CXADR: variants seen among roughly 807,000 people sequenced by gnomAD.
The protein encoded by CXADR is coxsackievirus and adenovirus receptor.
CXADR carries 20 observed loss-of-function variants against 40.3 expected under a neutral mutation model. The observed-to-expected ratio is 0.50, with a 90% CI of 0.35 to 0.72. The LOEUF (loss-of-function observed/expected upper bound fraction) is 0.72. Among genes scored for constraint, CXADR ranks in the 30% least tolerant of loss-of-function variants. CXADR has a pLI of 0.01. For synonymous variants in CXADR, 150 were observed against 161.3 expected, an observed-to-expected ratio of 0.93 and a Z score of 0.53; for missense variants, 332 against 449.1, an observed-to-expected ratio of 0.74 and a Z score of 2.36.
intron 7 of CXADR, among the ~76,000 whole-genome samples, chr21:17,578,992 G>T (rs1020614196): frequency 3.9e-5 from 6 of 152,034 alleles, no homozygotes; most frequent in African/African-American, 1.4e-4. Context: ...AGAGACATCT[G>T]ATTCATAAGA....
the CXADR span, among the ~76,000 whole-genome samples, chr21:17,622,282 C>T: frequency 1.3e-5 from 2 of 152,116 alleles, no homozygotes; most frequent in Admixed American, 1.3e-4. Flanking sequence ...TCCCACCCCA[C>T]CCCAGCCCAG....
At chr21:17,572,111 C>T (rs376988673), downstream of CXADR, among the ~76,000 whole-genome samples, 15 of 151,958 alleles carry the variant, frequency 9.9e-5, no homozygotes, top group East Asian at 1.5e-3. Context: ...CCTGTAATCC[C>T]AGCACTTTGG....
intron 1 of CXADR, among the ~76,000 whole-genome samples, chr21:17,539,964 A>G (rs1569100535): frequency 6.6e-6 from 1 of 152,162 alleles, no homozygotes; most frequent in Non-Finnish European, 1.5e-5. Flanking sequence ...TAGACAAAAT[A>G]CCAATACAAA....
At chr21:17,585,813 C>T (rs1419548766) in intron 7 of CXADR, among the ~76,000 whole-genome samples, 3 of 152,112 alleles carry the variant, frequency 2.0e-5, no homozygotes, top group Admixed American at 6.6e-5. Flanking sequence ...CCACCGCGCC[C>T]GGTTTTAATT....
intron 7 of CXADR, among the ~76,000 whole-genome samples, chr21:17,588,513 A>C (rs2061413297): frequency 6.6e-6 from 1 of 152,236 alleles, no homozygotes; most frequent in African/African-American, 2.4e-5. Flanking sequence ...ATGGGAGTTC[A>C]CTCATGATTT....
the CXADR span, among the ~76,000 whole-genome samples, chr21:17,625,335 A>C: frequency 6.6e-6 from 1 of 152,144 alleles, no homozygotes; most frequent in Non-Finnish European, 1.5e-5. Flanking sequence ...AAAGAAAAAA[A>C]TTTATTGCAG....
At chr21:17,532,119 G>T (rs961807727) in intron 1 of CXADR, among the ~76,000 whole-genome samples, 1 of 151,842 alleles carries the variant, frequency 6.6e-6, no homozygotes, top group African/African-American at 2.4e-5. Flanking sequence ...TTTTTTTAGA[G>T]ATGGTGCCTT....
At chr21:17,605,163 C>T in the CXADR span, 3 of 762,598 alleles carry the variant, frequency 3.9e-6, no homozygotes, top group Non-Finnish European at 5.9e-6. Flanking sequence ...ATGTGAACTA[C>T]AGGCACAGAG....
chr21:17,575,112 C>T (rs2061311060), intron 7 of CXADR, among the ~76,000 whole-genome samples: 2 of 103,536 alleles, frequency 1.9e-5, no homozygotes, highest in South Asian at 7.8e-4. Flanking sequence ...TTCCTGGCAA[C>T]CTTGAATGAA....
intron 7 of CXADR, among the ~76,000 whole-genome samples, chr21:17,590,185 TTA>T (rs575870392): frequency 9.9e-5 from 15 of 151,956 alleles, no homozygotes; most frequent in African/African-American, 3.4e-4. Flanking sequence ...TCTCCCATGA[TTA>T]TGTTTCTTAA....
downstream of CXADR, among the ~76,000 whole-genome samples, chr21:17,572,370 T>C (rs2061285121): frequency 6.7e-6 from 1 of 148,954 alleles, no homozygotes; most frequent in South Asian, 2.1e-4. Flanking sequence ...AGACTCCGTC[T>C]CAAAAAAAAA....
At chr21:17,608,385 AC>A in the CXADR span, among the ~76,000 whole-genome samples, 2 of 150,722 alleles carry the variant, frequency 1.3e-5, no homozygotes, top group Middle Eastern at 3.2e-3. Context: ...AAAAAAAAAA[AC>A]TCCCAGAAAA....
chr21:17,521,214 T>C (rs1007479953), intron 1 of CXADR, among the ~76,000 whole-genome samples: 2 of 152,186 alleles, frequency 1.3e-5, no homozygotes, highest in African/African-American at 2.4e-5. Flanking sequence ...TAGAGAATGA[T>C]GCAAAAGTGA....
At chr21:17,534,380 C>CCA (rs1293842989) in intron 1 of CXADR, among the ~76,000 whole-genome samples, 2 of 151,972 alleles carry the variant, frequency 1.3e-5, no homozygotes, top group Non-Finnish European at 2.9e-5. Flanking sequence ...CAGGCGTGAG[C>CCA]CACGGCACCC....
Position 17,569,635 on chromosome 21 carries a change from G to T in CXADR, c.*3943G>T, listed in dbSNP as rs760644686. 67 of 982,728 alleles carry T rather than the reference G, an allele frequency of 6.8e-5. No individual in the cohort carries two copies. The South Asian group carries it at 1.2e-3, about 17-fold the overall frequency. 60.9% of individuals were successfully genotyped at this position (982,728 alleles called of 1,614,324 possible). ...TTCAGTTTATTTATCTTTAGGGAAG[G>T]CTGATCATTTATCTTATAGCAGATA... is the stretch of plus-strand genomic sequence containing the variant. On this transcript the variant is annotated 3_prime_UTR_variant, in exon 7 of 7. Transcript: ENST00000284878.
rs375804509 is a variant in CXADR at position 17,535,418 on chromosome 21, G to C, written c.44-11609G>C. ...TCACTATGTTGCCCAGGTTGGTCTT[G>C]AACTCCTGGACTCAAGTGATCTTTC... On this transcript the variant is annotated intron_variant, in intron 1 of 6. Transcript: ENST00000284878. Among the ~76,000 whole-genome samples the C allele has an allele frequency of 1.1e-4, 16 of 151,484 alleles. No individual in the cohort carries two copies. The East Asian group carries it at 1.6e-3, about 15-fold the overall frequency.
Position 17,565,571 on chromosome 21 carries a change from T to G in CXADR, c.977T>G (p.Phe326Cys). 1.2e-6 allele frequency: 2 copies of G among 1,613,676 alleles called. No individual in the cohort carries two copies. Among genetic ancestry groups the G allele is most frequent in the Non-Finnish European group, 8.5e-7 (1 of 1,179,840 alleles). Residue 326 changes from phenylalanine (F) to cysteine (C), a missense_variant, in exon 7 of 7, where the codon TTT becomes TGT. Transcript: ENST00000284878. ...TQYNQVPSED[F>C]ERTPQSPTLP... ...TATAACCAAGTACCAAGTGAAGACT[T>G]TGAACGCACTCCTCAGAGTCCGACT...
At chr21:17,584,063 C>T (rs1181400728) in intron 7 of CXADR, among the ~76,000 whole-genome samples, 2 of 152,106 alleles carry the variant, frequency 1.3e-5, no homozygotes, top group Non-Finnish European at 2.9e-5. Context: ...TATGTGTATG[C>T]AATCAACTCA....
At chr21:17,557,893 T>C (rs1440439463) in intron 3 of CXADR, among the ~76,000 whole-genome samples, 1 of 152,136 alleles carries the variant, frequency 6.6e-6, no homozygotes, top group Admixed American at 6.5e-5. Flanking sequence ...ACACATTTAT[T>C]AAAAGTGATC....
Sources: allele counts gnomAD v4.1 joint callset (sites outside exome capture counted in the v4.1 genomes callset), GRCh38; gene constraint gnomAD v4.1.1; transcripts MANE v1.5; gene names NCBI Gene and HGNC (gene_info 2026-07-23, HGNC 2026-07-21).